Variants in DOP1A observed in about 807,000 individuals in gnomAD.
DOP1A encodes DOP1 leucine zipper like protein A, also known as protein DOP1A.
DOP1A carries 90 observed loss-of-function variants against 267.6 expected under a neutral mutation model. That is an observed-to-expected ratio of 0.34 (90% confidence interval 0.28 to 0.40). The LOEUF (loss-of-function observed/expected upper bound fraction) is 0.40, where lower values mean the gene tolerates loss of function less well. DOP1A is among the 10% of genes least tolerant of loss of function. DOP1A has a pLI of 1.00. For missense variants in DOP1A, 2,437 were observed against 2,900.4 expected (o/e 0.84, Z 3.67); for synonymous variants, 932 against 999.1 (o/e 0.93, Z 1.27).
chr6:83,129,476 C>T lies in DOP1A; in HGVS notation c.2309C>T (p.Thr770Ile), dbSNP rs751919623. The T allele has an allele frequency of 2.6e-5, 41 of 1,552,610 alleles. No individual in the cohort carries two copies. The highest frequency in any genetic ancestry group is 3.4e-5 in the Non-Finnish European group (39 of 1,158,164). The stretch of plus-strand genomic sequence containing the variant: ...GTTTACATTGCTGAGGGGAACCATA[C>T]ATCAGAGTTACGTTCTGAAAAATTG... ...FPVYIAEGNH[T>I]SELRSEKLET... Residue 770 changes from threonine to isoleucine, a missense_variant, in exon 16 of 39, where the codon ACA (threonine) becomes ATA (isoleucine). By Grantham distance (89) the Thr-to-Ile change is moderately conservative (BLOSUM62 -1). Transcript: ENST00000349129.
chr6:83,093,650 G>C (rs1410299555), intron 1 of DOP1A, among the ~76,000 whole-genome samples: 1 of 152,222 alleles, frequency 6.6e-6, no homozygotes, highest in East Asian at 1.9e-4. Flanking sequence ...GCTCACGCCT[G>C]TAATGCCAGC....
Position 83,129,094 on chromosome 6 carries a change from A to T in DOP1A, c.1927A>T (p.Thr643Ser). The T allele has an allele frequency of 6.2e-7, 1 of 1,614,082 alleles. No homozygotes were observed. The highest frequency in any genetic ancestry group is 1.1e-5 in the South Asian group (1 of 91,066). The change falls in exon 16 of 39, where the codon ACT (threonine) becomes TCT (serine). Residue 643 changes from threonine to serine, a missense_variant. This residue lies in a region of DOP1A where 498 missense variants were observed against 513.5 expected (regional missense o/e 0.97). Coordinates refer to ENST00000349129, the MANE Select transcript of DOP1A (RefSeq NM_015018.4). ...ATCCTCTGAGACAGAAACAGCATCCACTGTGGGATCTGAAGAAACCATCAT... is the reference window on the plus strand; with the variant it reads ...ATCCTCTGAGACAGAAACAGCATCCTCTGTGGGATCTGAAGAAACCATCAT... ...STSSETETAS[T>S]VGSEETIIQT...
rs150415131 is a variant in DOP1A at position 83,155,818 on chromosome 6, G to A, written c.6452-133G>A. The A allele has an allele frequency of 2.9e-5, 29 of 997,356 alleles. No individual in the cohort carries two copies. In the African/African-American group the frequency reaches 3.9e-4, roughly 13 times the overall value. The allele number at this position is 997,356 out of a possible 1,614,324, so 61.8% of individuals were successfully genotyped here. A position where few individuals can be genotyped will look rare whatever the true frequency, so the allele number is the denominator to read the frequency against. ...TGTTTGCCAGCCTGTCTGCCCCAGA[G>A]AGGGGCATCAAGTTTTGTACCCCAA... On this transcript the variant is annotated intron_variant, in intron 33 of 38. Coordinates refer to ENST00000349129, the MANE Select transcript of DOP1A (RefSeq NM_015018.4).
intron 3 of DOP1A, among the ~76,000 whole-genome samples, chr6:83,097,873 A>G (rs965508701): frequency 3.4e-5 from 5 of 148,038 alleles, no homozygotes; most frequent in African/African-American, 1.2e-4. Flanking sequence ...TTATTATTTT[A>G]TTTTATTTTA....
chr6:83,153,018 C>G (rs1463932686), intron 30 of DOP1A, among the ~76,000 whole-genome samples: 1 of 152,080 alleles, frequency 6.6e-6, no homozygotes, highest in African/African-American at 2.4e-5. Flanking sequence ...TTTTTATACC[C>G]TATTATACAC....
intron 9 of DOP1A, 76 bp downstream of exon 9, chr6:83,119,933 G>T: frequency 1.7e-6 from 2 of 1,179,236 alleles, no homozygotes; most frequent in Non-Finnish European, 2.4e-6. Context: ...ACGAGGTCTT[G>T]CCTTAATTGA....
chr6:83,067,798 C>T lies in DOP1A; in HGVS notation c.-147+19C>T, dbSNP rs1035401041. The T allele has an allele frequency of 1.3e-5, 2 of 152,336 alleles. No homozygotes were observed. Among genetic ancestry groups the T allele is most frequent in the South Asian group, 2.1e-4 (1 of 4,830 alleles). The allele number at this position is 152,336 out of a possible 1,614,324, so 9.4% of individuals were successfully genotyped here. A position where few individuals can be genotyped will look rare whatever the true frequency, so the allele number is the denominator to read the frequency against. On this transcript the variant is annotated intron_variant, in intron 1 of 38. Coordinates refer to ENST00000349129, the MANE Select transcript of DOP1A (RefSeq NM_015018.4). ...GCAGCAGGTAAAAGCGTCCCTGCCC[C>T]CAGTGCGGCCGCTAGGCTGGTAGCC...
chr6:83,130,227 G>T lies in DOP1A; in HGVS notation c.2446G>T (p.Asp816Tyr). The T allele has an allele frequency of 6.2e-7, 1 of 1,614,000 alleles. No individual in the cohort carries two copies. Among genetic ancestry groups the T allele is most frequent in the Non-Finnish European group, 8.5e-7 (1 of 1,179,968 alleles). The change falls in exon 17 of 39, where the codon GAC (aspartate) becomes TAC (tyrosine). Residue 816 changes from aspartate (D) to tyrosine (Y), a missense_variant. By Grantham distance (160) the Asp-to-Tyr change is radical. Coordinates refer to ENST00000349129, the MANE Select transcript of DOP1A (RefSeq NM_015018.4). ...GAGTGTTGCTATTTCACTAGTTATG[G>T]ACCTGGTGGGACTGACACAGTCTGT... The part of the protein sequence containing the change: ...VQSVAISLVM[D>Y]LVGLTQSVAM...
downstream of DOP1A, chr6:83,170,908 G>A (rs2128480699): frequency 6.3e-6 from 1 of 158,350 alleles, no homozygotes. Context: ...TGGTGAATGT[G>A]TAAACTGGCA....
chr6:83,140,370 A>G lies in DOP1A; in HGVS notation c.5382A>G (p.Ala1794=), dbSNP rs1779415716. 1.2e-6 allele frequency: 2 copies of G among 1,611,750 alleles called. No homozygotes were observed. The highest frequency in any genetic ancestry group is 2.7e-5 in the African/African-American group (2 of 75,028). Residue 1794 remains alanine (A), a synonymous_variant, in exon 23 of 39, where the codon GCA becomes GCG. Transcript: ENST00000349129. ...AAAAGATGACTATTGCCGCATCCGCATCTCTTACCACTATTAATCTTGGAG... is the reference window on the plus strand; with the variant it reads ...AAAAGATGACTATTGCCGCATCCGCGTCTCTTACCACTATTAATCTTGGAG... ...SSEKMTIAAS[A]SLTTINLGAT...
chr6:83,141,275 TAAAG>T (rs200771330), intron 23 of DOP1A, among the ~76,000 whole-genome samples: 1,644 of 152,306 alleles, frequency 0.011, 39 homozygotes, highest in African/African-American at 0.036. Context: ...GAAAAAGGAA[TAAAG>T]AAAGTTTGCA....
At chr6:83,121,164 C>G (rs780038900) in intron 10 of DOP1A, among the ~76,000 whole-genome samples, 2 of 151,656 alleles carry the variant, frequency 1.3e-5, no homozygotes, top group Non-Finnish European at 3.0e-5. Context: ...CTCCACATTC[C>G]CTTTATTTTG....
intron 38 of DOP1A, chr6:83,164,682 C>T (rs576335098): frequency 6.3e-7 from 1 of 1,587,188 alleles, no homozygotes; most frequent in East Asian, 2.3e-5. Context: ...GACTTTAAGA[C>T]AGTGATTTTG....
In DOP1A at chr6:83,125,743, A is replaced by G. The variant is rs775731115; in HGVS notation, c.1719+10A>G. On this transcript the variant is annotated intron_variant, in intron 15 of 38. Coordinates refer to ENST00000349129, the MANE Select transcript of DOP1A (RefSeq NM_015018.4). ...GTGGGAAGACAAAAAGGTAATTTTA[A>G]CTATTATTTTTGGTATTAGACTGTT... 6.2e-7 allele frequency: 1 copy of G among 1,602,446 alleles called. No individual in the cohort carries two copies. Among genetic ancestry groups the G allele is most frequent in the Non-Finnish European group, 8.5e-7 (1 of 1,170,614 alleles).
chr6:83,093,604 C>T (rs536438881), intron 1 of DOP1A, among the ~76,000 whole-genome samples: 1 of 152,256 alleles, frequency 6.6e-6, no homozygotes, highest in East Asian at 1.9e-4. Flanking sequence ...ATGCAGTTCA[C>T]CTATTTAAAG....
intron 1 of DOP1A, among the ~76,000 whole-genome samples, chr6:83,082,965 G>A (rs140101531): frequency 0.029 from 4,451 of 151,818 alleles, 161 homozygotes; most frequent in East Asian, 0.1. Context: ...CTGCCACCAC[G>A]CCCAGCTAAT....
intron 4 of DOP1A, among the ~76,000 whole-genome samples, chr6:83,106,056 GTT>G (rs908240542): frequency 6.6e-6 from 1 of 151,980 alleles, no homozygotes; most frequent in African/African-American, 2.4e-5. Flanking sequence ...AAAAACTAAA[GTT>G]TATATTAAAT....
At chr6:83,133,752 A>C (rs1165215493) in intron 18 of DOP1A, among the ~76,000 whole-genome samples, 1 of 151,932 alleles carries the variant, frequency 6.6e-6, no homozygotes, top group Non-Finnish European at 1.5e-5. Flanking sequence ...GTGATGAAAA[A>C]CTCATTTGGG....
At position 83,167,801 on chromosome 6, in the gene DOP1A, T is replaced by C. The variant is rs1300748702; in HGVS notation, c.7093-61T>C. 4 of 1,498,980 alleles carry C rather than the reference T, an allele frequency of 2.7e-6. No homozygotes were observed. The African/African-American group carries it at 4.2e-5, about 16-fold the overall frequency. The allele number at this position is 1,498,980 out of a possible 1,614,324, so 92.9% of individuals were successfully genotyped here. A position where few individuals can be genotyped will look rare whatever the true frequency, so the allele number is the denominator to read the frequency against. ...ATTGCCAAAGTTTATATATTTTTAA[T>C]TTTTCTAACATACCACATTGTCTGT... On this transcript the variant is annotated intron_variant, in intron 38 of 38. Coordinates refer to ENST00000349129, the MANE Select transcript of DOP1A (RefSeq NM_015018.4).
Sources: gnomAD v4.1 joint callset for allele counts (sites outside exome capture counted in the v4.1 genomes callset) on GRCh38, gnomAD v4.1.1 for gene constraint, gnomAD v4.1.1 regional missense constraint, MANE v1.5 for transcripts, NCBI Gene and HGNC (gene_info 2026-07-23, HGNC 2026-07-21) for gene names.